TMEM108: variants seen among roughly 807,000 people sequenced by gnomAD.
TMEM108 encodes cancer/testis antigen 124.
TMEM108 carries 12 observed loss-of-function variants against 35.1 expected under a neutral mutation model. The ratio of observed to expected loss-of-function variants is 0.34; its 90% CI spans 0.22 to 0.55. The LOEUF (loss-of-function observed/expected upper bound fraction) is 0.55. Among genes scored for constraint, TMEM108 ranks in the 20% least tolerant of loss-of-function variants. The pLI is 0.89. For synonymous variants in TMEM108, 287 were observed against 308.6 expected (o/e 0.93, Z 0.73); for missense variants, 680 against 753.3 (o/e 0.90, Z 1.14).
intron 3 of TMEM108, among the ~76,000 whole-genome samples, chr3:133,337,752 T>A (rs1295961314): frequency 5.3e-5 from 8 of 152,136 alleles, no homozygotes; most frequent in African/African-American, 1.9e-4. Flanking sequence ...TGTGTGACAT[T>A]TCAGACAGAG....
intron 2 of TMEM108, among the ~76,000 whole-genome samples, chr3:133,056,158 GC>G (rs1191835203): frequency 1.6e-5 from 2 of 122,790 alleles, no homozygotes; most frequent in Non-Finnish European, 3.5e-5. Context: ...CCACCTGGCT[GC>G]AGGACAAGGT....
At chr3:133,286,052 C>T (rs1165694801) in intron 3 of TMEM108, among the ~76,000 whole-genome samples, 1 of 152,186 alleles carries the variant, frequency 6.6e-6, no homozygotes, top group African/African-American at 2.4e-5. Context: ...TCATCATTCC[C>T]TAAGCATTTG....
At chr3:133,285,588 C>T (rs1023957172) in intron 3 of TMEM108, among the ~76,000 whole-genome samples, 1 of 152,222 alleles carries the variant, frequency 6.6e-6, no homozygotes, top group Admixed American at 6.5e-5. Context: ...AGACCTACCA[C>T]TTGCTAAAAG....
In TMEM108 at chr3:133,177,280, A is replaced by G. The variant is rs904155092; in HGVS notation, c.-46-51986A>G. Among the ~76,000 whole-genome samples the G allele has an allele frequency of 1.8e-3, 273 of 152,304 alleles. 1 individual carries two copies. The highest frequency in any genetic ancestry group is 6.1e-3 in the African/African-American group (253 of 41,566). ...ATTCCTTCTGAAACTATTCCAATCA[A>G]TAGAAAAAGAGGGAATCCTCCCTAA... On this transcript the variant is annotated intron_variant, in intron 2 of 5. Coordinates refer to ENST00000321871, the MANE Select transcript of TMEM108 (RefSeq NM_023943.4).
chr3:133,372,516 A>C (rs528463765), intron 3 of TMEM108, among the ~76,000 whole-genome samples: 6 of 152,238 alleles, frequency 3.9e-5, no homozygotes, highest in Non-Finnish European at 7.4e-5. Flanking sequence ...AGCCCCCTAG[A>C]GCTTCAGCAC....
chr3:133,385,237 C>T (rs1286188183), intron 4 of TMEM108, among the ~76,000 whole-genome samples: 1 of 152,232 alleles, frequency 6.6e-6, no homozygotes, highest in East Asian at 1.9e-4. Context: ...AACATGTCTC[C>T]TTGGAGCTTA....
At chr3:133,044,955 G>C (rs1943317489) in intron 1 of TMEM108, among the ~76,000 whole-genome samples, 1 of 147,448 alleles carries the variant, frequency 6.8e-6, no homozygotes, top group South Asian at 2.2e-4. Context: ...AAATTCTGAA[G>C]TGCTGCTTTT....
chr3:133,299,213 C>T (rs1156615640), intron 3 of TMEM108, among the ~76,000 whole-genome samples: 3 of 152,098 alleles, frequency 2.0e-5, no homozygotes, highest in Non-Finnish European at 4.4e-5. Flanking sequence ...ACTTGGCAGC[C>T]GTAAAGCCAC....
chr3:133,333,029 G>C (rs994441646), intron 3 of TMEM108, among the ~76,000 whole-genome samples: 1 of 152,134 alleles, frequency 6.6e-6, no homozygotes, highest in Admixed American at 6.5e-5. Flanking sequence ...GCCCTAGCAA[G>C]CTCTATGTGG....
At chr3:133,289,878 A>G (rs1947038120) in intron 3 of TMEM108, among the ~76,000 whole-genome samples, 1 of 152,200 alleles carries the variant, frequency 6.6e-6, no homozygotes, top group Non-Finnish European at 1.5e-5. Context: ...AACATGGACC[A>G]TCCAAGTATT....
chr3:133,188,631 A>G (rs1334801418), intron 2 of TMEM108, among the ~76,000 whole-genome samples: 1 of 152,158 alleles, frequency 6.6e-6, no homozygotes, highest in East Asian at 1.9e-4. Context: ...TTAGTTCAGG[A>G]CACTATTGGC....
chr3:133,309,682 C>CTTTTTTTTTTTTTTTTTT (rs148272827), intron 3 of TMEM108, among the ~76,000 whole-genome samples: 2 of 69,196 alleles, frequency 2.9e-5, no homozygotes, highest in Non-Finnish European at 5.6e-5. Context: ...GAGTGAGTTT[C>CTTTTTTTTTTTTTTTTTT]TTTTTTTTTT....
intron 2 of TMEM108, among the ~76,000 whole-genome samples, chr3:133,204,005 T>C (rs1486622275): frequency 6.6e-6 from 1 of 152,222 alleles, no homozygotes; most frequent in East Asian, 1.9e-4. Context: ...ATTTGATTTC[T>C]TCCTGGTTTA....
chr3:133,144,010 A>T (rs1944678634), intron 2 of TMEM108, among the ~76,000 whole-genome samples: 1 of 147,890 alleles, frequency 6.8e-6, no homozygotes, highest in South Asian at 2.1e-4. Context: ...TCTGGGGTAC[A>T]TGTGCAGAAC....
intron 2 of TMEM108, among the ~76,000 whole-genome samples, chr3:133,140,168 C>T (rs891480177): frequency 2.6e-5 from 4 of 152,258 alleles, no homozygotes; most frequent in East Asian, 1.9e-4. Flanking sequence ...AAAGATTTGC[C>T]GAGCTCCTCA....
At chr3:133,084,038 A>G (rs888999253) in intron 2 of TMEM108, among the ~76,000 whole-genome samples, 1 of 152,196 alleles carries the variant, frequency 6.6e-6, no homozygotes, top group African/African-American at 2.4e-5. Context: ...CTTTTCAGCT[A>G]GGAAGTTTTT....
intron 2 of TMEM108, among the ~76,000 whole-genome samples, chr3:133,062,247 C>T (rs1943545872): frequency 6.6e-6 from 1 of 152,160 alleles, no homozygotes; most frequent in African/African-American, 2.4e-5. Context: ...ACCTGTTAAC[C>T]CAATGGATAA....
At chr3:133,047,868 T>G (rs1401735309) in intron 2 of TMEM108, among the ~76,000 whole-genome samples, 1 of 152,196 alleles carries the variant, frequency 6.6e-6, no homozygotes, top group Admixed American at 6.5e-5. Flanking sequence ...CCTTGGGGGC[T>G]CTGTCATTTC....
chr3:133,303,699 G>A (rs1187119260), intron 3 of TMEM108, among the ~76,000 whole-genome samples: 1 of 152,048 alleles, frequency 6.6e-6, no homozygotes, highest in Non-Finnish European at 1.5e-5. Context: ...ACCCTAGATT[G>A]ATTGATCAAA....
Sources: gnomAD v4.1 joint callset for allele counts (sites outside exome capture counted in the v4.1 genomes callset) on GRCh38, gnomAD v4.1.1 for gene constraint, MANE v1.5 for transcripts, NCBI Gene and HGNC (gene_info 2026-07-23, HGNC 2026-07-21) for gene names.